Variants in SRCAP observed in about 807,000 individuals in gnomAD.
SRCAP encodes the protein Snf2 related CREBBP activator protein.
In SRCAP, 46 loss-of-function variants were observed where a neutral mutation model predicts 263.1. That is an observed-to-expected ratio of 0.17 (90% CI 0.14 to 0.22). The LOEUF is 0.22. SRCAP is among the 10% of genes least tolerant of loss of function. The pLI is 1.00. For synonymous variants in SRCAP, 1,813 were observed against 1,662.1 expected (o/e 1.09, Z -2.21); for missense variants, 3,695 against 4,181.9 (o/e 0.88, Z 3.21).
intron 3 of SRCAP, among the ~76,000 whole-genome samples, chr16:30,702,511 G>A (rs1490117146): frequency 1.3e-5 from 2 of 151,090 alleles, no homozygotes; most frequent in Non-Finnish European, 3.0e-5. Context: ...TAGGATTACA[G>A]GTGTGAGCCA....
chr16:30,721,852 T>C (rs570893618), intron 21 of SRCAP, among the ~76,000 whole-genome samples: 43 of 152,316 alleles, frequency 2.8e-4, no homozygotes, highest in African/African-American at 1.0e-3. Flanking sequence ...AAGGACAGTG[T>C]AGAGCAGATG....
chr16:30,711,973 A>C lies in SRCAP; in HGVS notation c.1631A>C (p.Glu544Ala), dbSNP rs2052897550. The C allele has an allele frequency of 3.7e-6, 6 of 1,613,958 alleles. No homozygotes were observed. Among genetic ancestry groups the C allele is most frequent in the Non-Finnish European group, 5.1e-6 (6 of 1,179,996 alleles). ...TCACAGAGCCAAGCAGATGAAGAGGAGGAAGATGATGATTTTGGGGTGGAG... is the reference window on the plus strand; with the variant it reads ...TCACAGAGCCAAGCAGATGAAGAGGCGGAAGATGATGATTTTGGGGTGGAG... ...AQSQSQADEE[E>A]EDDDFGVEYL... The change falls in exon 12 of 34, where the codon GAG becomes GCG. Residue 544 changes from glutamate (E) to alanine (A), a missense_variant. Around this residue, in one of 12 missense-constraint regions of SRCAP, gnomAD observed 288 missense variants for 302.4 expected, o/e 0.95. Coordinates refer to ENST00000262518, the MANE Select transcript of SRCAP (RefSeq NM_006662.3).
intron 25 of SRCAP, 41 bp from the exon 26 acceptor site, chr16:30,728,925 C>T: frequency 1.3e-6 from 2 of 1,579,546 alleles, no homozygotes; most frequent in Non-Finnish European, 8.6e-7. Context: ...GATGTGGACT[C>T]TGAGGGTGCT....
chr16:30,722,364 C>T lies in SRCAP; in HGVS notation c.3706+78C>T. The T allele has an allele frequency of 3.2e-6, 5 of 1,562,010 alleles. No individual in the cohort carries two copies. In the South Asian group the frequency reaches 6.0e-5, roughly 19 times the overall value. On this transcript the variant is annotated intron_variant, in intron 22 of 33. Coordinates refer to ENST00000262518, the MANE Select transcript of SRCAP (RefSeq NM_006662.3). ...TTGTTTTTGTGACTTTTTTGAATGT[C>T]AGCCTTTATGTTTCTTACCCAAGCT... is the stretch of plus-strand genomic sequence containing the variant.
chr16:30,715,594 C>T (rs968309626), intron 16 of SRCAP, among the ~76,000 whole-genome samples: 38 of 151,288 alleles, frequency 2.5e-4, no homozygotes, highest in African/African-American at 8.2e-4. Context: ...AACAGGAAGT[C>T]TTCCTTAACT....
intron 25 of SRCAP, 64 bp from the exon 26 acceptor site, chr16:30,728,902 A>G (rs1440363429): frequency 1.5e-5 from 23 of 1,515,894 alleles, no homozygotes; most frequent in Non-Finnish European, 1.9e-5. Context: ...TCTGGGAAGA[A>G]CAGTCAGGTT....
In SRCAP at chr16:30,738,523, G is replaced by A. The variant is rs148477226; in HGVS notation, c.8483G>A (p.Arg2828His). ...PTPPQQPFIA[R>H]RHIELGVTGG... ...CCACCCCAGCAGCCCTTCATTGCTC[G>A]CCGTCACATTGAGCTGGGGGTGACT... Residue 2828 changes from arginine (R) to histidine (H), a missense_variant, in exon 34 of 34, where the codon CGC becomes CAC. Around this residue, in one of 12 missense-constraint regions of SRCAP, gnomAD observed 1,207 missense variants for 1,142.9 expected, o/e 1.06. Transcript: ENST00000262518. 171 of 1,611,856 alleles carry A rather than the reference G, an allele frequency of 1.1e-4. No homozygotes were observed. Among genetic ancestry groups the A allele is most frequent in the Non-Finnish European group, 1.3e-4 (158 of 1,178,944 alleles).
chr16:30,712,317 T>C lies in SRCAP; in HGVS notation c.1871T>C (p.Ile624Thr). 1 of 1,611,690 alleles carries C rather than the reference T, an allele frequency of 6.2e-7. No homozygotes were observed. Among genetic ancestry groups the C allele is most frequent in the Non-Finnish European group, 8.5e-7 (1 of 1,178,966 alleles). Residue 624 changes from isoleucine (I) to threonine (T), a missense_variant, in exon 13 of 34, where the codon ATT becomes ACT. Ile to Thr is a moderately conservative substitution (Grantham distance 89). Coordinates refer to ENST00000262518, the MANE Select transcript of SRCAP (RefSeq NM_006662.3). ...LRGQLREYQH[I>T]GLDWLVTMYE... ...GGCCAGCTCCGGGAGTACCAGCACA[T>C]TGGGCTAGACTGGCTGGTTACCATG...
In SRCAP at chr16:30,709,663, T is replaced by C. The variant is rs1361993519; in HGVS notation, c.784T>C (p.Ser262Pro). The change falls in exon 7 of 34, where the codon TCT becomes CCT. Residue 262 changes from serine to proline, a missense_variant. Ser to Pro is a moderately conservative substitution (Grantham distance 74). Coordinates refer to ENST00000262518, the MANE Select transcript of SRCAP (RefSeq NM_006662.3). ...GCCATTAACCTCCAGCAAAGCAGGC[T>C]CTTCCCCTTGCCTCGGCTCTTCCTC... The part of the protein sequence containing the change: ...NQPLTSSKAG[S>P]SPCLGSSSAA... 5 of 1,614,166 alleles carry C rather than the reference T, an allele frequency of 3.1e-6. No individual in the cohort carries two copies. Among genetic ancestry groups the C allele is most frequent in the Non-Finnish European group, 4.2e-6 (5 of 1,180,040 alleles).
chr16:30,723,284 G>A (rs2053029367), intron 24 of SRCAP, 55 bp downstream of exon 24: 8 of 1,543,858 alleles, frequency 5.2e-6, no homozygotes, highest in Non-Finnish European at 6.1e-6. Context: ...GACGAGATGG[G>A]GTCGCCTCAA....
Position 30,738,852 on chromosome 16 carries a change from A to C in SRCAP, c.8812A>C (p.Arg2938=), listed in dbSNP as rs774472864. ...NPLLSPVEKR[R]RGRPPKARDL... ...CCTCCTGTCACCTGTGGAGAAAAGAAGGCGAGGACGACCCCCTAAAGCACG... is the reference window on the plus strand; with the variant it reads ...CCTCCTGTCACCTGTGGAGAAAAGACGGCGAGGACGACCCCCTAAAGCACG... The change falls in exon 34 of 34, where the codon AGG becomes CGG. Residue 2938 remains arginine, a synonymous_variant. Transcript: ENST00000262518. 2.8e-5 allele frequency: 46 copies of C among 1,614,066 alleles called. No homozygotes were observed. The African/African-American group carries it at 5.3e-4, about 19-fold the overall frequency.
At chr16:30,700,174 C>T (rs1264113829) in intron 2 of SRCAP, among the ~76,000 whole-genome samples, 193 bp downstream of exon 2, 1 of 152,212 alleles carries the variant, frequency 6.6e-6, no homozygotes, top group African/African-American at 2.4e-5. Context: ...ACGTGGTCAA[C>T]CTGGCTCTAC....
chr16:30,713,090 C>T, intron 14 of SRCAP, 118 bp from the exon 15 acceptor site: 1 of 1,184,654 alleles, frequency 8.4e-7, no homozygotes, highest in East Asian at 2.3e-5. Context: ...CATTCTTTTG[C>T]TGGGACTTTC....
chr16:30,739,602 C>G lies in SRCAP; in HGVS notation c.9562C>G (p.Arg3188Gly). 1 of 1,595,204 alleles carries G rather than the reference C, an allele frequency of 6.3e-7. No homozygotes were observed. Among genetic ancestry groups the G allele is most frequent in the Non-Finnish European group, 8.5e-7 (1 of 1,171,694 alleles). Residue 3188 changes from arginine (R) to glycine (G), a missense_variant, in exon 34 of 34, where the codon CGC becomes GGC. This residue lies in a region of SRCAP where 1,207 missense variants were observed against 1,142.9 expected (regional missense o/e 1.06). Transcript: ENST00000262518. Reference protein sequence around the residue: ...GEEEEGDGTPRRRPGPRRLVG... With the variant: ...GEEEEGDGTPGRRPGPRRLVG... Reference sequence around the variant, plus strand: ...GGAGGAGGAAGGGGATGGGACCCCACGCCGACGTCCTGGCCCCCGCCGGCT... The same window carrying G: ...GGAGGAGGAAGGGGATGGGACCCCAGGCCGACGTCCTGGCCCCCGCCGGCT...
intron 18 of SRCAP, among the ~76,000 whole-genome samples, chr16:30,718,450 T>C (rs1367712741): frequency 6.6e-6 from 1 of 151,846 alleles, no homozygotes; most frequent in Non-Finnish European, 1.5e-5. Context: ...GTGCTGGGAT[T>C]ACAGGTGTGA....
chr16:30,723,366 G>A (rs2053030298), intron 24 of SRCAP, 137 bp downstream of exon 24: 2 of 1,430,498 alleles, frequency 1.4e-6, no homozygotes, highest in Non-Finnish European at 1.9e-6. Flanking sequence ...CCCAGAACTG[G>A]GCTGCCTGAG....
intron 3 of SRCAP, among the ~76,000 whole-genome samples, 191 bp downstream of exon 3, chr16:30,701,069 A>G (rs530547146): frequency 4.6e-5 from 7 of 152,174 alleles, no homozygotes; most frequent in Non-Finnish European, 8.8e-5. Context: ...ATTATCTCCA[A>G]GAGTGTAAAA....
chr16:30,739,531 G>A lies in SRCAP; in HGVS notation c.9491G>A (p.Gly3164Glu). 6.2e-7 allele frequency: 1 copy of A among 1,611,874 alleles called. No homozygotes were observed. The highest frequency in any genetic ancestry group is 8.5e-7 in the Non-Finnish European group (1 of 1,179,056). ...RGRLQPPSPL[G>E]PEGSVEESEA... Reference sequence around the variant, plus strand: ...CGCCTACAGCCCCCAAGTCCCCTGGGGCCTGAGGGTTCAGTAGAGGAGTCT... The same window carrying A: ...CGCCTACAGCCCCCAAGTCCCCTGGAGCCTGAGGGTTCAGTAGAGGAGTCT... The change falls in exon 34 of 34, where the codon GGG becomes GAG. Residue 3164 changes from glycine (G) to glutamate (E), a missense_variant. Physicochemically the swap from Gly to Glu is moderately conservative, Grantham distance 98 (BLOSUM62 -2). Around this residue, in one of 12 missense-constraint regions of SRCAP, gnomAD observed 1,207 missense variants for 1,142.9 expected, o/e 1.06. Coordinates refer to ENST00000262518, the MANE Select transcript of SRCAP (RefSeq NM_006662.3).
At position 30,729,361 on chromosome 16, in the gene SRCAP, C is replaced by A. The variant is rs1469206512; in HGVS notation, c.5925-9C>A. Reference sequence around the variant, plus strand: ...CATCTTTTACACTGCCTGCTTCTTCCTTTCACAGGTTCATCTTTGTCATGC... The same window carrying A: ...CATCTTTTACACTGCCTGCTTCTTCATTTCACAGGTTCATCTTTGTCATGC... On this transcript the variant is annotated splice_polypyrimidine_tract_variant and intron_variant, in intron 26 of 33. Coordinates refer to ENST00000262518, the MANE Select transcript of SRCAP (RefSeq NM_006662.3). 6.2e-7 allele frequency: 1 copy of A among 1,613,850 alleles called. No homozygotes were observed. The highest frequency in any genetic ancestry group is 1.3e-5 in the African/African-American group (1 of 74,894).
Sources: gnomAD v4.1 joint callset for allele counts (sites outside exome capture counted in the v4.1 genomes callset) on GRCh38, gnomAD v4.1.1 for gene constraint, gnomAD v4.1.1 regional missense constraint, MANE v1.5 for transcripts, NCBI Gene and HGNC (gene_info 2026-07-23, HGNC 2026-07-21) for gene names.